The following ANKS1A variants were observed in gnomAD, a reference collection of about 807,000 sequenced individuals.
ANKS1A encodes ankyrin repeat and SAM domain-containing protein 1A.
In ANKS1A, 55 loss-of-function variants were observed where a neutral mutation model predicts 120.3. The ratio of observed to expected loss-of-function variants is 0.46; its 90% CI spans 0.37 to 0.57. The LOEUF is 0.57. ANKS1A is among the 20% of genes least tolerant of loss of function. ANKS1A has a pLI of 0.00. For synonymous variants in ANKS1A, 590 were observed against 604.7 expected (o/e 0.98, Z 0.36); for missense variants, 1,123 against 1,480.3 (o/e 0.76, Z 3.96).
chr6:35,088,676 CCGCCAT>C lies in ANKS1A; in HGVS notation c.*72_*77del. On this transcript the variant is annotated 3_prime_UTR_variant, in exon 24 of 24. Coordinates refer to ENST00000360359, the MANE Select transcript of ANKS1A (RefSeq NM_015245.3). ...GGGGCATAGGCTCCCACTGCCACCA[CCGCCAT>C]CGCCTCACCTGCAGCTCTGAAGACC... is the stretch of plus-strand genomic sequence containing the variant. The C allele has an allele frequency of 1.2e-6, 2 of 1,613,580 alleles. No individual in the cohort carries two copies. The highest frequency in any genetic ancestry group is 1.7e-6 in the Non-Finnish European group (2 of 1,179,616).
rs985971768 is a variant in ANKS1A at position 35,082,351 on chromosome 6, C to T, written c.2710-340C>T. On this transcript the variant is annotated intron_variant, in intron 17 of 23. Coordinates refer to ENST00000360359, the MANE Select transcript of ANKS1A (RefSeq NM_015245.3). The surrounding 1 kb of genome is among the most constrained non-coding windows in gnomAD (Gnocchi z 4.1). ...GCTGTTCTCTCCTTTGGTCTTTGTG[C>T]AGAACAGCCTGGCAGCCTGTGCCCC... Among the ~76,000 whole-genome samples, 4 of 152,154 alleles carry T rather than the reference C, an allele frequency of 2.6e-5. No individual in the cohort carries two copies. Among genetic ancestry groups the T allele is most frequent in the African/African-American group, 9.7e-5 (4 of 41,428 alleles).
chr6:34,961,774 G>A (rs569248336), intron 1 of ANKS1A, among the ~76,000 whole-genome samples: 7 of 152,180 alleles, frequency 4.6e-5, no homozygotes, highest in African/African-American at 1.2e-4. Flanking sequence ...ACTCTCAGCC[G>A]CTTTAACCAG....
At chr6:34,961,004 G>A (rs941985327) in intron 1 of ANKS1A, among the ~76,000 whole-genome samples, 4 of 152,188 alleles carry the variant, frequency 2.6e-5, no homozygotes, top group Admixed American at 6.5e-5. Context: ...GCTTCATCAC[G>A]CAGGCTTGCT....
At chr6:34,963,411 A>G (rs1770748419) in intron 1 of ANKS1A, among the ~76,000 whole-genome samples, 1 of 152,154 alleles carries the variant, frequency 6.6e-6, no homozygotes, top group African/African-American at 2.4e-5. Flanking sequence ...TATTACCATA[A>G]TGTCCTCTAG....
intron 10 of ANKS1A, among the ~76,000 whole-genome samples, chr6:35,010,144 C>T (rs141329414): frequency 1.8e-4 from 27 of 151,730 alleles, no homozygotes; most frequent in South Asian, 8.4e-4. Context: ...CCAGCCTGGG[C>T]GACAGAGTGA....
intron 1 of ANKS1A, among the ~76,000 whole-genome samples, chr6:34,958,575 A>G (rs1770483628): frequency 3.9e-5 from 6 of 152,086 alleles, no homozygotes; most frequent in Admixed American, 3.9e-4. Context: ...CAACAGAAGG[A>G]TTTTTCTAAA....
At chr6:34,921,185 T>C (rs1161508728) in intron 1 of ANKS1A, among the ~76,000 whole-genome samples, 1 of 152,246 alleles carries the variant, frequency 6.6e-6, no homozygotes, top group African/African-American at 2.4e-5. Flanking sequence ...GATTTCTGAT[T>C]GATACAGAAA....
chr6:35,040,004 A>C (rs1390719145), intron 11 of ANKS1A, among the ~76,000 whole-genome samples: 1 of 152,122 alleles, frequency 6.6e-6, no homozygotes, highest in Non-Finnish European at 1.5e-5. Flanking sequence ...CTTCTATATA[A>C]ACCCTACCCT....
At chr6:35,053,570 A>G (rs1305364371) in intron 11 of ANKS1A, among the ~76,000 whole-genome samples, 1 of 152,246 alleles carries the variant, frequency 6.6e-6, no homozygotes, top group Non-Finnish European at 1.5e-5. Context: ...TTCTGTATGC[A>G]GGCGCTCTAG....
chr6:35,054,244 G>C, intron 12 of ANKS1A, 79 bp downstream of exon 12: 2 of 1,384,660 alleles, frequency 1.4e-6, no homozygotes, highest in East Asian at 4.6e-5. Context: ...CTCTAACACA[G>C]AAGACAGACA....
intron 11 of ANKS1A, among the ~76,000 whole-genome samples, chr6:35,021,328 T>C (rs896463456): frequency 3.3e-5 from 5 of 152,128 alleles, no homozygotes; most frequent in African/African-American, 9.7e-5. Context: ...CTGTGAGACC[T>C]GGGGAGGGAG....
chr6:35,024,742 T>G (rs1357518), intron 11 of ANKS1A, among the ~76,000 whole-genome samples: 137,415 of 152,246 alleles, frequency 0.9, 62,960 homozygotes, highest in East Asian at 0.99. Flanking sequence ...TTCCAGCTCT[T>G]TCTCATTAGA....
intron 7 of ANKS1A, among the ~76,000 whole-genome samples, chr6:34,984,518 T>C (rs1467460896): frequency 1.3e-5 from 2 of 152,150 alleles, no homozygotes; most frequent in African/African-American, 4.8e-5. Context: ...CTTCAAGGAT[T>C]TTACATTTAT....
At chr6:35,005,098 C>T (rs1773382710) in intron 10 of ANKS1A, among the ~76,000 whole-genome samples, 1 of 152,074 alleles carries the variant, frequency 6.6e-6, no homozygotes. Context: ...TACATGTGTT[C>T]TTAAATACTT....
chr6:35,029,861 T>TAC (rs568894395), intron 11 of ANKS1A, among the ~76,000 whole-genome samples: 6 of 150,182 alleles, frequency 4.0e-5, no homozygotes, highest in African/African-American at 1.2e-4. Context: ...TCTATATATA[T>TAC]ACACACACAC....
At chr6:34,983,028 A>T (rs1393574070) in intron 5 of ANKS1A, 85 bp from the exon 6 acceptor site, 6 of 1,383,272 alleles carry the variant, frequency 4.3e-6, no homozygotes, top group Non-Finnish European at 5.1e-6. Context: ...TGCTGCTGAC[A>T]GCCTTAAATG....
chr6:35,085,691 C>G lies in ANKS1A; in HGVS notation c.3133-75C>G. The G allele has an allele frequency of 6.9e-7, 1 of 1,458,216 alleles. No individual in the cohort carries two copies. Among genetic ancestry groups the G allele is most frequent in the Middle Eastern group, 1.8e-4 (1 of 5,500 alleles). 90.3% of individuals were successfully genotyped at this position (1,458,216 alleles called of 1,614,324 possible). ...TAGACTTAGAGGGGGACACATGGTCCCTGCGAGGAAGGGCATATCCAGTGT... is the reference window on the plus strand; with the variant it reads ...TAGACTTAGAGGGGGACACATGGTCGCTGCGAGGAAGGGCATATCCAGTGT... On this transcript the variant is annotated intron_variant, in intron 21 of 23. Coordinates refer to ENST00000360359, the MANE Select transcript of ANKS1A (RefSeq NM_015245.3). The surrounding 1 kb of genome is among the most constrained non-coding windows in gnomAD (Gnocchi z 4.7).
downstream of ANKS1A, chr6:35,091,447 A>G (rs1047214307): frequency 5.0e-5 from 49 of 984,794 alleles, no homozygotes; most frequent in Non-Finnish European, 5.7e-5. Flanking sequence ...AAGCGTCTTG[A>G]TGGTTTTCTG....
At chr6:35,010,009 G>A in intron 10 of ANKS1A, 1 of 211,780 alleles carries the variant, frequency 4.7e-6, no homozygotes, top group Non-Finnish European at 9.6e-6. Flanking sequence ...GTGAGATCTT[G>A]TCTCTACGAA....
Sources: allele counts gnomAD v4.1 joint callset (sites outside exome capture counted in the v4.1 genomes callset), GRCh38; gene constraint gnomAD v4.1.1; non-coding constraint Gnocchi (gnomAD v3.1); transcripts MANE v1.5; gene names NCBI Gene and HGNC (gene_info 2026-07-23, HGNC 2026-07-21).